Variants in FGF12 observed in about 807,000 individuals in gnomAD.
FGF12 encodes the protein fibroblast growth factor 12.
A neutral mutation model predicts 23.6 loss-of-function variants in FGF12; 14 were observed. The ratio of observed to expected loss-of-function variants is 0.59; its 90% confidence interval spans 0.39 to 0.93. The LOEUF (loss-of-function observed/expected upper bound fraction) is 0.93. FGF12 is among the 40% of genes least tolerant of loss of function. The pLI is 0.00. For synonymous variants in FGF12, 62 were observed against 77.3 expected, an observed-to-expected ratio of 0.80 and a Z score of 1.04; for missense variants, 175 against 217.8, an observed-to-expected ratio of 0.80 and a Z score of 1.24.
chr3:192,584,890 G>A (rs1193213969), intron 2 of FGF12, among the ~76,000 whole-genome samples: 1 of 151,996 alleles, frequency 6.6e-6, no homozygotes, highest in African/African-American at 2.4e-5. Flanking sequence ...CCTCCATAAA[G>A]AATGCCATCC....
intron 2 of FGF12, among the ~76,000 whole-genome samples, chr3:192,432,932 G>A (rs1040933482): frequency 2.6e-5 from 4 of 152,072 alleles, no homozygotes; most frequent in East Asian, 1.9e-4. Flanking sequence ...GAAGTGAGTC[G>A]GGGTGGTCTG....
At chr3:192,331,322 AAAAAAAAAAAC>A (rs1348349018) in intron 4 of FGF12, among the ~76,000 whole-genome samples, 1 of 150,108 alleles carries the variant, frequency 6.7e-6, no homozygotes, top group African/African-American at 2.5e-5. Context: ...AAAAAAAAAA[AAAAAAAAAAAC>A]AAAAACAAAA....
At chr3:192,479,830 G>A (rs1048317984) in intron 2 of FGF12, among the ~76,000 whole-genome samples, 9 of 152,116 alleles carry the variant, frequency 5.9e-5, no homozygotes, top group Non-Finnish European at 1.2e-4. Context: ...ACGGTAACAT[G>A]AGTTAGGCTA....
At chr3:192,431,195 G>A (rs1674930014) in intron 2 of FGF12, among the ~76,000 whole-genome samples, 1 of 152,156 alleles carries the variant, frequency 6.6e-6, no homozygotes, top group South Asian at 2.1e-4. Flanking sequence ...CACCCACAAT[G>A]AATCCCAGAG....
At chr3:192,610,013 A>G (rs1449211384) in intron 2 of FGF12, among the ~76,000 whole-genome samples, 1 of 152,088 alleles carries the variant, frequency 6.6e-6, no homozygotes, top group Non-Finnish European at 1.5e-5. Flanking sequence ...GTGCTAGGAC[A>G]GGTGTGAAAT....
intron 4 of FGF12, among the ~76,000 whole-genome samples, chr3:192,241,153 A>C (rs1161248973): frequency 6.6e-6 from 1 of 152,208 alleles, no homozygotes; most frequent in African/African-American, 2.4e-5. Flanking sequence ...GTTCTTGCTG[A>C]AGAAGAATTT....
At chr3:192,706,321 T>C (rs184121175) in intron 2 of FGF12, among the ~76,000 whole-genome samples, 99 of 152,268 alleles carry the variant, frequency 6.5e-4, no homozygotes, top group African/African-American at 2.0e-3. Flanking sequence ...TTTTATAAAC[T>C]GGAAAAAAGT....
chr3:192,652,478 A>G (rs59998492), intron 2 of FGF12, among the ~76,000 whole-genome samples: 53,798 of 152,076 alleles, frequency 0.35, 11,620 homozygotes, highest in Non-Finnish European at 0.49. Flanking sequence ...TGAGGCAGCA[A>G]AGTAAAATAT....
chr3:192,409,348 T>C lies in FGF12; in HGVS notation c.14-48810A>G, dbSNP rs1207315004. Among the ~76,000 whole-genome samples, 2 of 152,230 alleles carry C rather than the reference T, an allele frequency of 1.3e-5. No homozygotes were observed. Among genetic ancestry groups the C allele is most frequent in the Non-Finnish European group, 1.5e-5 (1 of 67,992 alleles). On this transcript the variant is annotated intron_variant, in intron 2 of 5. Transcript: ENST00000445105. The surrounding 1 kb of genome is among the most constrained non-coding windows in gnomAD (Gnocchi z 4.8). ...CGCCTTTAACTGGAGCTCCCCGCCA[T>C]GGTCCACCCGGGGCCGCCGCACCGA...
chr3:192,344,704 G>A (rs1277849322), intron 3 of FGF12, among the ~76,000 whole-genome samples: 1 of 152,152 alleles, frequency 6.6e-6, no homozygotes, highest in Non-Finnish European at 1.5e-5. Context: ...TGATAAGGTA[G>A]TAGAAATATT....
At chr3:192,674,926 G>T (rs1717268884) in intron 2 of FGF12, among the ~76,000 whole-genome samples, 1 of 152,198 alleles carries the variant, frequency 6.6e-6, no homozygotes, top group South Asian at 2.1e-4. Flanking sequence ...CCCTTTGCAA[G>T]AACATCATAC....
intron 2 of FGF12, among the ~76,000 whole-genome samples, chr3:192,369,625 T>A (rs1698413493): frequency 6.6e-6 from 1 of 152,322 alleles, no homozygotes; most frequent in South Asian, 2.1e-4. Context: ...TGAGCCAGTT[T>A]TATTCCTCAT....
At chr3:192,475,694 A>G (rs1050653555) in intron 2 of FGF12, among the ~76,000 whole-genome samples, 2 of 152,206 alleles carry the variant, frequency 1.3e-5, no homozygotes, top group African/African-American at 2.4e-5. Context: ...TTCTCATATC[A>G]TAATTTTTAA....
At chr3:192,225,547 G>A (rs1718689390) in intron 4 of FGF12, among the ~76,000 whole-genome samples, 1 of 152,084 alleles carries the variant, frequency 6.6e-6, no homozygotes, top group Non-Finnish European at 1.5e-5. Context: ...TTGGAAAACA[G>A]TTTGGTAATT....
intron 2 of FGF12, among the ~76,000 whole-genome samples, chr3:192,396,651 G>A (rs1050298852): frequency 1.3e-5 from 2 of 152,134 alleles, no homozygotes; most frequent in African/African-American, 4.8e-5. Context: ...TACCTTACCA[G>A]GTGGACATCT....
intron 2 of FGF12, among the ~76,000 whole-genome samples, chr3:192,660,665 T>C (rs1185188437): frequency 1.3e-5 from 2 of 152,190 alleles, no homozygotes; most frequent in Non-Finnish European, 2.9e-5. Context: ...AAAAATTATC[T>C]TCTTCAGAGC....
intron 2 of FGF12, among the ~76,000 whole-genome samples, chr3:192,726,664 C>G (rs1276519838): frequency 6.6e-6 from 1 of 152,030 alleles, no homozygotes; most frequent in Non-Finnish European, 1.5e-5. Context: ...CCAAATAGAC[C>G]CAATTTCTCT....
At chr3:192,173,176 G>T (rs1010480205) in intron 4 of FGF12, among the ~76,000 whole-genome samples, 3 of 150,786 alleles carry the variant, frequency 2.0e-5, no homozygotes, top group Non-Finnish European at 4.4e-5. Context: ...TTTGTTGGAG[G>T]GATGAAATGT....
chr3:192,421,716 T>C (rs1425782969), intron 2 of FGF12, among the ~76,000 whole-genome samples: 1 of 151,982 alleles, frequency 6.6e-6, no homozygotes, highest in African/African-American at 2.4e-5. Flanking sequence ...AAATACCTAA[T>C]GTAGGTGACG....
Sources: gnomAD v4.1 joint callset for allele counts (sites outside exome capture counted in the v4.1 genomes callset) on GRCh38, gnomAD v4.1.1 for gene constraint, Gnocchi (gnomAD v3.1) non-coding constraint, MANE v1.5 for transcripts, NCBI Gene and HGNC (gene_info 2026-07-23, HGNC 2026-07-21) for gene names.